Variants in WAC observed in about 807,000 individuals in gnomAD.
WAC encodes the protein WW domain containing adaptor with coiled-coil.
A neutral mutation model predicts 79.6 loss-of-function variants in WAC; 11 were observed. The ratio of observed to expected loss-of-function variants is 0.14; its 90% CI spans 0.09 to 0.23. The LOEUF (loss-of-function observed/expected upper bound fraction) is 0.23. Among genes scored for constraint, WAC ranks in the 10% least tolerant of loss-of-function variants. The pLI is 1.00. For synonymous variants in WAC, 304 were observed against 276.9 expected (o/e 1.10, Z -0.97); for missense variants, 728 against 773.5 (o/e 0.94, Z 0.70).
intron 3 of WAC, among the ~76,000 whole-genome samples, chr10:28,552,845 CTTTTTTTTTTTT>C (rs3029447): frequency 2.1e-3 from 173 of 84,354 alleles, no homozygotes; most frequent in Middle Eastern, 8.8e-3. Flanking sequence ...CACTTGGCTG[CTTTTTTTTTTTT>C]TTTTTTTTTT....
chr10:28,596,655 C>CA (rs1840385481), intron 7 of WAC, among the ~76,000 whole-genome samples: 1 of 152,312 alleles, frequency 6.6e-6, no homozygotes, highest in South Asian at 2.1e-4. Context: ...TGTGACACAA[C>CA]ATAAGCAGTG....
At chr10:28,565,691 A>T (rs1838563302) in intron 3 of WAC, among the ~76,000 whole-genome samples, 1 of 152,184 alleles carries the variant, frequency 6.6e-6, no homozygotes, top group Non-Finnish European at 1.5e-5. Flanking sequence ...TGAATTTTTA[A>T]AAGGAATTTG....
At chr10:28,613,438 A>G (rs1841340145) in intron 10 of WAC, among the ~76,000 whole-genome samples, 1 of 152,138 alleles carries the variant, frequency 6.6e-6, no homozygotes, top group Admixed American at 6.5e-5. Context: ...TGGGAATTCA[A>G]GGTTGGAGTG....
chr10:28,606,024 A>C (rs771315814), intron 7 of WAC, among the ~76,000 whole-genome samples: 3 of 151,200 alleles, frequency 2.0e-5, no homozygotes, highest in Non-Finnish European at 4.4e-5. Flanking sequence ...TGATTGCCCC[A>C]TAAAATACAA....
intron 7 of WAC, among the ~76,000 whole-genome samples, chr10:28,603,744 T>C (rs1305458711): frequency 4.6e-5 from 7 of 151,180 alleles, no homozygotes; most frequent in Non-Finnish European, 1.0e-4. Flanking sequence ...CCATCCTGGC[T>C]AGCACGGTGA....
intron 3 of WAC, among the ~76,000 whole-genome samples, chr10:28,554,176 T>C (rs1837856557): frequency 6.6e-6 from 1 of 152,080 alleles, no homozygotes; most frequent in Admixed American, 6.5e-5. Flanking sequence ...GCCTTAGAGG[T>C]GATTTTAAGT....
At chr10:28,555,101 A>G (rs1426239928) in intron 3 of WAC, among the ~76,000 whole-genome samples, 2 of 152,108 alleles carry the variant, frequency 1.3e-5, no homozygotes, top group African/African-American at 2.4e-5. Context: ...ACAGTTTCCC[A>G]ATTGCCAGGC....
chr10:28,600,330 T>A (rs1442005303), intron 7 of WAC, among the ~76,000 whole-genome samples: 1 of 152,160 alleles, frequency 6.6e-6, no homozygotes, highest in Non-Finnish European at 1.5e-5. Flanking sequence ...GTTTTTATGC[T>A]ATCTGTAGAC....
intron 3 of WAC, among the ~76,000 whole-genome samples, chr10:28,540,216 T>TCCTTATTTCCAGTTTTAC (rs1257586687): frequency 5.9e-5 from 9 of 152,224 alleles, no homozygotes; most frequent in Non-Finnish European, 1.2e-4. Context: ...ACAGATAGTA[T>TCCTTATTTCCAGTTTTAC]CCTTATTTCC....
intron 4 of WAC, 146 bp from the exon 5 acceptor site, chr10:28,589,590 A>G (rs41283722): frequency 2.3e-6 from 1 of 437,238 alleles, no homozygotes; most frequent in Non-Finnish European, 4.1e-6. Flanking sequence ...CTAAGGTCTT[A>G]TAAATACTTA....
chr10:28,618,892 T>C (rs2132879508), intron 13 of WAC, among the ~76,000 whole-genome samples: 1 of 152,358 alleles, frequency 6.6e-6, no homozygotes, highest in Admixed American at 6.5e-5. Flanking sequence ...TAGGTTTATT[T>C]CATGTATAAT....
intron 10 of WAC, among the ~76,000 whole-genome samples, chr10:28,613,424 C>T (rs1048466178): frequency 3.9e-5 from 6 of 151,930 alleles, no homozygotes; most frequent in South Asian, 2.1e-4. Flanking sequence ...GAATCACCTG[C>T]GCCTGGGAAT....
chr10:28,538,369 G>A (rs1402814510), intron 3 of WAC: 13 of 258,392 alleles, frequency 5.0e-5, no homozygotes, highest in Non-Finnish European at 6.8e-5. Context: ...ATCACCTGAG[G>A]TCAGGAGTTT....
At chr10:28,570,093 C>T (rs924628779) in intron 3 of WAC, among the ~76,000 whole-genome samples, 2 of 152,158 alleles carry the variant, frequency 1.3e-5, no homozygotes, top group African/African-American at 4.8e-5. Flanking sequence ...TTGAAATTGC[C>T]TTATCTGTAA....
rs776433509 is a variant in WAC at position 28,594,708 on chromosome 10, G to GA, written c.611-1018dup. Among the ~76,000 whole-genome samples, 355 of 152,154 alleles carry GA rather than the reference G, an allele frequency of 2.3e-3. 1 individual carries two copies. Among genetic ancestry groups the GA allele is most frequent in the Non-Finnish European group, 3.8e-3 (258 of 67,988 alleles). On this transcript the variant is annotated intron_variant, in intron 6 of 13. Transcript: ENST00000354911. Reference sequence around the variant, plus strand: ...TTTACAATTGGAGGAGCTGTGAATTGAAAAAAACTATACAATAATCAACAG... The same window carrying GA: ...TTTACAATTGGAGGAGCTGTGAATTGAAAAAAAACTATACAATAATCAACAG...
At chr10:28,541,850 A>G (rs1247748544) in intron 3 of WAC, among the ~76,000 whole-genome samples, 1 of 152,080 alleles carries the variant, frequency 6.6e-6, no homozygotes, top group East Asian at 1.9e-4. Context: ...CTTAGCTTGA[A>G]TTCTGCAAGA....
At chr10:28,610,911 CA>C (rs1327170579) in intron 9 of WAC, 90 bp downstream of exon 9, 28 of 1,256,146 alleles carry the variant, frequency 2.2e-5, no homozygotes, top group Admixed American at 1.7e-4. Flanking sequence ...TTTTTTCTTT[CA>C]TTTTTTTTTT....
At chr10:28,551,303 A>G (rs1837654035) in intron 3 of WAC, among the ~76,000 whole-genome samples, 1 of 152,222 alleles carries the variant, frequency 6.6e-6, no homozygotes, top group Admixed American at 6.5e-5. Flanking sequence ...AACTGACTAT[A>G]ATGATGTAAA....
intron 13 of WAC, among the ~76,000 whole-genome samples, chr10:28,618,325 G>T (rs192107319): frequency 2.6e-5 from 4 of 151,948 alleles, no homozygotes; most frequent in African/African-American, 9.7e-5. Context: ...GACAAACTTG[G>T]CAATGGCTTT....
Sources: gnomAD v4.1 joint callset for allele counts (sites outside exome capture counted in the v4.1 genomes callset) on GRCh38, gnomAD v4.1.1 for gene constraint, MANE v1.5 for transcripts, NCBI Gene and HGNC (gene_info 2026-07-23, HGNC 2026-07-21) for gene names.